The following COL22A1 variants were observed in gnomAD, a reference collection of about 807,000 sequenced individuals.
The protein encoded by COL22A1 is collagen alpha-1(XXII) chain.
A neutral mutation model predicts 248.9 loss-of-function variants in COL22A1; 221 were observed. That is an observed-to-expected ratio of 0.89 (90% confidence interval 0.80 to 0.99). COL22A1 has a LOEUF of 0.99. COL22A1 is among the 50% of genes least tolerant of loss of function. The pLI is 0.00. For missense variants in COL22A1, 2,240 were observed against 2,179.0 expected (o/e 1.03, Z -0.56); for synonymous variants, 891 against 793.4 (o/e 1.12, Z -2.07).
At chr8:138,684,367 A>T in intron 39 of COL22A1, 58 bp downstream of exon 39, 2 of 1,120,308 alleles carry the variant, frequency 1.8e-6, no homozygotes, top group South Asian at 1.2e-5. Context: ...CAATTTTTCC[A>T]CGTTCTCTTT....
At chr8:138,871,793 TAA>T (rs746189290) in intron 3 of COL22A1, among the ~76,000 whole-genome samples, 7 of 152,242 alleles carry the variant, frequency 4.6e-5, no homozygotes, top group Non-Finnish European at 7.3e-5. Flanking sequence ...ACTATATATA[TAA>T]GTTGTATTAT....
chr8:138,634,826 C>T (rs1025962201), intron 49 of COL22A1, among the ~76,000 whole-genome samples, 184 bp downstream of exon 49: 1 of 152,192 alleles, frequency 6.6e-6, no homozygotes, highest in Non-Finnish European at 1.5e-5. Flanking sequence ...CTACTCCAGA[C>T]CGTCTGCACT....
At chr8:138,704,771 A>T (rs1407982540) in intron 30 of COL22A1, among the ~76,000 whole-genome samples, 1 of 152,270 alleles carries the variant, frequency 6.6e-6, no homozygotes, top group Non-Finnish European at 1.5e-5. Context: ...AGCTGGATTG[A>T]GAATGACTTT....
At chr8:138,727,318 A>AT (rs1409655607) in intron 23 of COL22A1, among the ~76,000 whole-genome samples, 4 of 152,016 alleles carry the variant, frequency 2.6e-5, no homozygotes, top group Non-Finnish European at 5.9e-5. Flanking sequence ...GATGGTCTCC[A>AT]ATTCCCCAGT....
At chr8:138,639,478 A>C (rs576299444) in intron 47 of COL22A1, among the ~76,000 whole-genome samples, 2 of 152,246 alleles carry the variant, frequency 1.3e-5, no homozygotes, top group Non-Finnish European at 2.9e-5. Flanking sequence ...TCAATGAAAC[A>C]GATAAAAACC....
At chr8:138,857,327 CAT>C in intron 3 of COL22A1, among the ~76,000 whole-genome samples, 1 of 152,350 alleles carries the variant, frequency 6.6e-6, no homozygotes, top group South Asian at 2.1e-4. Flanking sequence ...AGAAGATGGA[CAT>C]GAGGATGGGT....
intron 52 of COL22A1, among the ~76,000 whole-genome samples, chr8:138,619,829 G>A (rs1819626608): frequency 6.6e-6 from 1 of 152,132 alleles, no homozygotes; most frequent in Non-Finnish European, 1.5e-5. Flanking sequence ...AGTTACAGAC[G>A]ACTTTATGCC....
intron 3 of COL22A1, among the ~76,000 whole-genome samples, chr8:138,868,910 T>C (rs372557165): frequency 6.6e-6 from 1 of 152,212 alleles, no homozygotes; most frequent in African/African-American, 2.4e-5. Flanking sequence ...TTTGTATTTT[T>C]AGTAGAGATG....
At chr8:138,884,773 G>T (rs1824518248) in intron 1 of COL22A1, among the ~76,000 whole-genome samples, 1 of 152,104 alleles carries the variant, frequency 6.6e-6, no homozygotes, top group African/African-American at 2.4e-5. Context: ...ATGTGGCAGG[G>T]GAGTGAGCTC....
intron 35 of COL22A1, among the ~76,000 whole-genome samples, chr8:138,692,117 T>C (rs1827044509): frequency 6.4e-5 from 4 of 62,338 alleles, no homozygotes; most frequent in Middle Eastern, 9.4e-3. Context: ...TGGAGGTGTG[T>C]GTATGTGTGT....
chr8:138,852,563 G>A (rs138264424), intron 3 of COL22A1, among the ~76,000 whole-genome samples: 5 of 152,310 alleles, frequency 3.3e-5, no homozygotes, highest in African/African-American at 4.8e-5. Flanking sequence ...CCCAGTTGGG[G>A]CTTTCCATTT....
chr8:138,907,004 G>A (rs1404588257), intron 1 of COL22A1, among the ~76,000 whole-genome samples: 4 of 152,140 alleles, frequency 2.6e-5, no homozygotes, highest in African/African-American at 9.7e-5. Flanking sequence ...CCAAGAAATG[G>A]CCTAGATGCT....
At chr8:138,600,202 A>T (rs1013165599) in intron 60 of COL22A1, among the ~76,000 whole-genome samples, 3 of 152,202 alleles carry the variant, frequency 2.0e-5, no homozygotes, top group Non-Finnish European at 4.4e-5. Context: ...TTGACCAGCA[A>T]GTTCAAATGA....
chr8:138,752,709 T>G (rs1191169977), intron 21 of COL22A1, among the ~76,000 whole-genome samples: 2 of 152,236 alleles, frequency 1.3e-5, no homozygotes, highest in African/African-American at 4.8e-5. Flanking sequence ...TGCAGAATGC[T>G]GAACACTGTT....
At chr8:138,750,235 T>C (rs112027670) in intron 22 of COL22A1, among the ~76,000 whole-genome samples, 12,590 of 152,224 alleles carry the variant, frequency 0.083, 960 homozygotes, top group African/African-American at 0.21. Context: ...ATGTGTTTAT[T>C]AGCAGCGTGA....
chr8:138,804,656 A>G (rs187365893), intron 10 of COL22A1, among the ~76,000 whole-genome samples: 39 of 152,246 alleles, frequency 2.6e-4, no homozygotes, highest in African/African-American at 8.9e-4. Context: ...CATCAGCACA[A>G]AGAGAAGACT....
chr8:138,807,743 A>G, intron 10 of COL22A1, 25 bp downstream of exon 10: 1 of 1,610,798 alleles, frequency 6.2e-7, no homozygotes, highest in Non-Finnish European at 8.5e-7. Context: ...GTTCTAAACT[A>G]CACCTCTGCC....
intron 3 of COL22A1, among the ~76,000 whole-genome samples, chr8:138,860,807 C>A (rs73351923): frequency 0.015 from 2,334 of 152,150 alleles, 61 homozygotes; most frequent in African/African-American, 0.052. Context: ...GACCCTGTCT[C>A]CAAAAAACAA....
intron 6 of COL22A1, among the ~76,000 whole-genome samples, chr8:138,823,286 T>C (rs1819306246): frequency 6.6e-6 from 1 of 152,218 alleles, no homozygotes; most frequent in Non-Finnish European, 1.5e-5. Context: ...CCAGGCACTG[T>C]TCTAAATATT....
Sources: allele counts gnomAD v4.1 joint callset (sites outside exome capture counted in the v4.1 genomes callset), GRCh38; gene constraint gnomAD v4.1.1; transcripts MANE v1.5; gene names NCBI Gene and HGNC (gene_info 2026-07-23, HGNC 2026-07-21).